ABCC12: variants seen among roughly 807,000 people sequenced by gnomAD.
The protein encoded by ABCC12 is ATP-binding cassette sub-family C member 12.
ABCC12 carries 142 observed loss-of-function variants against 151.1 expected under a neutral mutation model. The observed-to-expected ratio is 0.94, with a 90% confidence interval of 0.82 to 1.08. The LOEUF (loss-of-function observed/expected upper bound fraction) is 1.08, where lower values mean the gene tolerates loss of function less well. Ranked by LOEUF, ABCC12 falls within the 50% of genes least tolerant of loss-of-function variation. The pLI is 0.00. For missense variants in ABCC12, 1,638 were observed against 1,691.1 expected (o/e 0.97, Z 0.55); for synonymous variants, 645 against 646.4 (o/e 1.00, Z 0.03).
chr16:48,100,937 G>A lies in ABCC12; in HGVS notation c.2973C>T (p.Ile991=), dbSNP rs780526721. 13 of 1,614,124 alleles carry A rather than the reference G, an allele frequency of 8.1e-6. No individual in the cohort carries two copies. In the South Asian group the frequency reaches 1.3e-4, roughly 16 times the overall value. Reference sequence around the variant, plus strand: ...TGCCCAGGCCCTGCATGGAGGAGGTGATGTGGGTGAACCAGGGTGACCGGC... The same window carrying A: ...TGCCCAGGCCCTGCATGGAGGAGGTAATGTGGGTGAACCAGGGTGACCGGC... The part of the protein sequence containing the change: ...NVSRSPWFTH[I]TSSMQGLGII... Residue 991 remains isoleucine, a synonymous_variant, in exon 23 of 31, where the codon ATC becomes ATT. Transcript: ENST00000311303.
At chr16:48,105,994 C>T (rs2150608137) in intron 20 of ABCC12, among the ~76,000 whole-genome samples, 1 of 152,284 alleles carries the variant, frequency 6.6e-6, no homozygotes, top group Non-Finnish European at 1.5e-5. Flanking sequence ...AGTGAAAACA[C>T]ACAATTTTGC....
intron 18 of ABCC12, among the ~76,000 whole-genome samples, chr16:48,110,177 G>C (rs1427096930): frequency 6.6e-6 from 1 of 152,218 alleles, no homozygotes; most frequent in Non-Finnish European, 1.5e-5. Context: ...AAATGTGCGT[G>C]CATTTGTCAC....
chr16:48,119,426 A>G (rs1252877362), intron 13 of ABCC12, among the ~76,000 whole-genome samples: 3 of 152,232 alleles, frequency 2.0e-5, no homozygotes, highest in Non-Finnish European at 1.5e-5. Flanking sequence ...CCCTCTGAAC[A>G]TCATTTTGAT....
At chr16:48,146,645 T>G (rs963646534) in intron 2 of ABCC12, 171 bp from the exon 3 acceptor site, 10 of 535,780 alleles carry the variant, frequency 1.9e-5, no homozygotes, top group Middle Eastern at 4.8e-4. Context: ...GCTACGTCCC[T>G]TAATGCTACG....
At position 48,115,448 on chromosome 16, in the gene ABCC12, TC is replaced by T; in HGVS notation, c.1955del (p.Gly652GlufsTer7). 6.2e-7 allele frequency: 1 copy of T among 1,614,046 alleles called. No homozygotes were observed. The highest frequency in any genetic ancestry group is 8.5e-7 in the Non-Finnish European group (1 of 1,179,928). ...GGTGGGTCACCAGGACGACTGTCTTTCCCCTGAGCGTCTTCTTAATGCACTC... is the reference window on the plus strand; with the variant it reads ...GGTGGGTCACCAGGACGACTGTCTTTCCCTGAGCGTCTTCTTAATGCACTC... ...FEECIKKTLR[G>X]KTVVLVTHQL... On this transcript the variant is annotated frameshift_variant, in exon 15 of 31. Transcript: ENST00000311303. LOFTEE classifies it high-confidence loss of function.
chr16:48,100,709 A>G (rs562294564), intron 23 of ABCC12, among the ~76,000 whole-genome samples, 163 bp downstream of exon 23: 1 of 152,338 alleles, frequency 6.6e-6, no homozygotes, highest in South Asian at 2.1e-4. Context: ...ATGCTGGAAG[A>G]GAGGCTGTGA....
rs566341432 is a variant in ABCC12 at position 48,107,602 on chromosome 16, TG to T, written c.2372-178del. ...ATCTGAGTGTTGGGACCCTGAACTG[TG>T]GGGACATCTGTTCTACCTGGTTGGA... On this transcript the variant is annotated intron_variant, in intron 19 of 30. Coordinates refer to ENST00000311303, the MANE Select transcript of ABCC12 (RefSeq NM_001393797.1). Among the ~76,000 whole-genome samples, 38 of 152,294 alleles carry T rather than the reference TG, an allele frequency of 2.5e-4. No individual in the cohort carries two copies. In the East Asian group the frequency reaches 6.2e-3, roughly 25 times the overall value.
chr16:48,120,558 GTTT>G (rs61563975), intron 13 of ABCC12, among the ~76,000 whole-genome samples: 2 of 137,924 alleles, frequency 1.5e-5, no homozygotes, highest in Non-Finnish European at 1.6e-5. Flanking sequence ...TGAGTTTTTT[GTTT>G]TTTTTTTTTT....
intron 7 of ABCC12, 106 bp downstream of exon 7, chr16:48,139,057 T>C (rs1964709357): frequency 4.7e-6 from 6 of 1,279,226 alleles, no homozygotes; most frequent in African/African-American, 3.0e-5. Context: ...GAGTACAAAA[T>C]GGGGCACAGG....
At chr16:48,131,935 G>A (rs1182739960) in intron 9 of ABCC12, among the ~76,000 whole-genome samples, 2 of 152,194 alleles carry the variant, frequency 1.3e-5, no homozygotes, top group Non-Finnish European at 2.9e-5. Context: ...GGCTGACAGA[G>A]CGCATGGGCA....
chr16:48,094,512 G>A (rs1963021740), intron 24 of ABCC12, among the ~76,000 whole-genome samples: 2 of 152,120 alleles, frequency 1.3e-5, no homozygotes, highest in Admixed American at 1.3e-4. Context: ...CAAAGAGGCT[G>A]GCTGATAGGC....
chr16:48,139,236 G>C lies in ABCC12; in HGVS notation c.758C>G (p.Ala253Gly). The change falls in exon 7 of 31, where the codon GCG becomes GGG. Residue 253 changes from alanine (A) to glycine (G), a missense_variant. Coordinates refer to ENST00000311303, the MANE Select transcript of ABCC12 (RefSeq NM_001393797.1). ...TIPILMVFCA[A>G]YAFFILGPTA... is the part of the protein sequence containing the mutation. ...GGGCCCCAGAATGAAAAAGGCGTAC[G>C]CCGCACAAAAGACCATTAGGATCGG... 4 of 1,614,114 alleles carry C rather than the reference G, an allele frequency of 2.5e-6. No homozygotes were observed. The highest frequency in any genetic ancestry group is 3.4e-6 in the Non-Finnish European group (4 of 1,180,006).
At chr16:48,142,689 C>T (rs1373099507) in intron 4 of ABCC12, among the ~76,000 whole-genome samples, 1 of 152,188 alleles carries the variant, frequency 6.6e-6, no homozygotes, top group East Asian at 1.9e-4. Flanking sequence ...ATCAGAACCA[C>T]AGAGTTCAAT....
At position 48,084,841 on chromosome 16, in the gene ABCC12, G is replaced by A. The variant is rs138131861; in HGVS notation, c.3828+752C>T. Among the ~76,000 whole-genome samples, 17 of 152,202 alleles carry A rather than the reference G, an allele frequency of 1.1e-4. No homozygotes were observed. The East Asian group carries it at 2.5e-3, about 22-fold the overall frequency. Reference sequence around the variant, plus strand: ...TTTGGGGAGGTGGGGGTATTATTCCGCTGATCACAGGACGGATTTGATTTA... The same window carrying A: ...TTTGGGGAGGTGGGGGTATTATTCCACTGATCACAGGACGGATTTGATTTA... On this transcript the variant is annotated intron_variant, in intron 29 of 30. Transcript: ENST00000311303.
rs757753464 is a variant in ABCC12, at chr16:48,139,317, C to T, written c.677G>A (p.Ser226Asn). The change falls in exon 7 of 31, where the codon AGT becomes AAT. Residue 226 changes from serine to asparagine, a missense_variant. Ser to Asn is a conservative substitution (Grantham distance 46). Transcript: ENST00000311303. ...SVGEVLNILS[S>N]DSYSLFEAAL... is the part of the protein sequence containing the mutation. ...AGCTTCAAACAAAGAATAGCTATCA[C>T]TTGACAGTATATTGAGCACCTGGAA... is the stretch of plus-strand genomic sequence containing the variant. The T allele has an allele frequency of 7.4e-6, 12 of 1,611,972 alleles. No homozygotes were observed. In the South Asian group the frequency reaches 1.2e-4, roughly 16 times the overall value.
At chr16:48,121,028 T>C (rs1964049901) in intron 13 of ABCC12, among the ~76,000 whole-genome samples, 1 of 152,236 alleles carries the variant, frequency 6.6e-6, no homozygotes, top group South Asian at 2.1e-4. Flanking sequence ...ATTGTCACCA[T>C]TCTGTGCAAT....
intron 24 of ABCC12, 57 bp downstream of exon 24, chr16:48,096,689 C>A: frequency 1.9e-6 from 3 of 1,578,094 alleles, no homozygotes; most frequent in Non-Finnish European, 1.7e-6. Context: ...AGCACCCTCG[C>A]TGATGTATTA....
intron 12 of ABCC12, 65 bp from the exon 13 acceptor site, chr16:48,121,905 T>C: frequency 6.2e-7 from 1 of 1,604,166 alleles, no homozygotes; most frequent in Non-Finnish European, 8.5e-7. Flanking sequence ...CAAATGCCCA[T>C]TGCACCCTGG....
chr16:48,132,279 C>T (rs758078051), intron 9 of ABCC12, among the ~76,000 whole-genome samples: 4 of 152,168 alleles, frequency 2.6e-5, no homozygotes, highest in Non-Finnish European at 5.9e-5. Context: ...GCTGAAGGCC[C>T]TAAAGTGTGT....
Sources: allele counts gnomAD v4.1 joint callset (sites outside exome capture counted in the v4.1 genomes callset), GRCh38; gene constraint gnomAD v4.1.1; transcripts MANE v1.5; gene names NCBI Gene and HGNC (gene_info 2026-07-23, HGNC 2026-07-21).